Variants in DNAH14 observed in about 807,000 individuals in gnomAD.
The protein encoded by DNAH14 is dynein axonemal heavy chain 14.
DNAH14 carries 478 observed loss-of-function variants against 520.9 expected under a neutral mutation model. The observed-to-expected ratio is 0.92, with a 90% CI of 0.85 to 0.99. DNAH14 has a LOEUF of 0.99. Among genes scored for constraint, DNAH14 ranks in the 50% least tolerant of loss-of-function variants. The probability of loss-of-function intolerance (pLI) is 0.00; values close to 1 mark genes in which losing one functional copy is unlikely to be tolerated. For missense variants in DNAH14, 4,831 were observed against 5,234.5 expected, an observed-to-expected ratio of 0.92 and a Z score of 2.38; for synonymous variants, 1,581 against 1,757.2, an observed-to-expected ratio of 0.90 and a Z score of 2.51.
chr1:225,108,701 A>G (rs1399787498), intron 23 of DNAH14, among the ~76,000 whole-genome samples: 1 of 152,072 alleles, frequency 6.6e-6, no homozygotes, highest in East Asian at 1.9e-4. Flanking sequence ...TTTGTTGTGC[A>G]AAAGCTTTTT....
intron 8 of DNAH14, among the ~76,000 whole-genome samples, chr1:224,986,209 A>G (rs2062625364): frequency 6.6e-6 from 1 of 151,924 alleles, no homozygotes; most frequent in East Asian, 1.9e-4. Context: ...AGGAAGAACT[A>G]TAGCAATCCT....
At chr1:225,127,275 G>C (rs1406591682) in intron 27 of DNAH14, among the ~76,000 whole-genome samples, 4 of 151,698 alleles carry the variant, frequency 2.6e-5, no homozygotes, top group African/African-American at 9.7e-5. Context: ...TTAACTTTCT[G>C]TCTCGTTGAT....
intron 10 of DNAH14, among the ~76,000 whole-genome samples, chr1:225,008,539 C>T (rs553165775): frequency 9.6e-4 from 143 of 149,274 alleles, no homozygotes; most frequent in Non-Finnish European, 1.7e-3. Flanking sequence ...AGTGTAGAAG[C>T]GTTCCTATTT....
At chr1:225,206,746 A>C (rs938444182) in intron 40 of DNAH14, among the ~76,000 whole-genome samples, 1 of 152,262 alleles carries the variant, frequency 6.6e-6, no homozygotes, top group South Asian at 2.1e-4. Flanking sequence ...TCCTACACAT[A>C]ATACCCCAAT....
chr1:225,335,898 C>CCT (rs2095019253), intron 66 of DNAH14, among the ~76,000 whole-genome samples: 1 of 113,150 alleles, frequency 8.8e-6, no homozygotes, highest in Non-Finnish European at 1.8e-5. Flanking sequence ...CATATACATA[C>CCT]ATATATGCAT....
At chr1:225,343,063 A>G (rs2095224685) in intron 69 of DNAH14, among the ~76,000 whole-genome samples, 2 of 152,182 alleles carry the variant, frequency 1.3e-5, no homozygotes, top group Admixed American at 6.6e-5. Flanking sequence ...CCGTTCCCAC[A>G]TTGTAGTTAC....
At position 225,259,220 on chromosome 1, in the gene DNAH14, A is replaced by C; in HGVS notation, c.7124A>C (p.Asp2375Ala). 6.5e-7 allele frequency: 1 copy of C among 1,533,534 alleles called. No individual in the cohort carries two copies. Among genetic ancestry groups the C allele is most frequent in the Non-Finnish European group, 8.8e-7 (1 of 1,134,770 alleles). The allele number at this position is 1,533,534 out of a possible 1,614,324, so 95.0% of individuals were successfully genotyped here. Reference sequence around the variant, plus strand: ...ATAAAACATGGTTCAATTTTAGGAGACACCCTATTATATAGTGAAATAAAA... The same window carrying C: ...ATAAAACATGGTTCAATTTTAGGAGCCACCCTATTATATAGTGAAATAAAA... ...FDIKHGSILG[D>A]TLLYSEIKKS... The change falls in exon 46 of 86, where the codon GAC (aspartate) becomes GCC (alanine). Residue 2375 changes from aspartate to alanine, a missense_variant. Coordinates refer to ENST00000682510, the MANE Select transcript of DNAH14 (RefSeq NM_001367479.1).
rs183991507 is a variant in DNAH14 at position 225,249,444 on chromosome 1, A to C, written c.6749-2857A>C. ...GTATCCTCATTTATTTGGGATGGAC[A>C]GTAATAAATCATGGCCTTGCCCCAG... is the stretch of plus-strand genomic sequence containing the variant. On this transcript the variant is annotated intron_variant, in intron 43 of 85. Coordinates refer to ENST00000682510, the MANE Select transcript of DNAH14 (RefSeq NM_001367479.1). Among the ~76,000 whole-genome samples, 4 of 152,306 alleles carry C rather than the reference A, an allele frequency of 2.6e-5. No individual in the cohort carries two copies. The East Asian group carries it at 7.7e-4, about 29-fold the overall frequency.
intron 8 of DNAH14, among the ~76,000 whole-genome samples, chr1:224,986,452 A>G (rs941680714): frequency 6.6e-6 from 1 of 152,166 alleles, no homozygotes; most frequent in Non-Finnish European, 1.5e-5. Flanking sequence ...ACCAAATGGA[A>G]TCTATCCCGG....
intron 23 of DNAH14, among the ~76,000 whole-genome samples, chr1:225,114,797 C>T (rs1318530940): frequency 6.6e-6 from 1 of 152,170 alleles, no homozygotes; most frequent in African/African-American, 2.4e-5. Flanking sequence ...TGTGCTCTCT[C>T]TCCCCCAAGC....
At chr1:225,054,905 T>C (rs2068879799) in intron 17 of DNAH14, among the ~76,000 whole-genome samples, 1 of 152,148 alleles carries the variant, frequency 6.6e-6, no homozygotes, top group African/African-American at 2.4e-5. Context: ...AGTTAATAAT[T>C]ATCTTTTAAA....
In DNAH14 at chr1:225,274,194, GTTATTTT is replaced by G. The variant is rs1422439570; in HGVS notation, c.8010+1072_8010+1078del. Among the ~76,000 whole-genome samples, 115 of 120,326 alleles carry G rather than the reference GTTATTTT, an allele frequency of 9.6e-4. 4 individuals carry two copies. The highest frequency in any genetic ancestry group is 3.6e-3 in the African/African-American group (106 of 29,438). The allele number at this position is 120,326 out of a possible 152,430, so 78.9% of individuals were successfully genotyped here. On this transcript the variant is annotated intron_variant, in intron 52 of 85. Transcript: ENST00000682510. ...TTTCTCTGCATCCTCACCAGCATCT[GTTATTTT>G]TTTTTTTTTTTTTTTTTTTTTGAGA...
intron 84 of DNAH14, among the ~76,000 whole-genome samples, chr1:225,393,227 T>C (rs1232772185): frequency 6.6e-6 from 1 of 152,198 alleles, no homozygotes; most frequent in Non-Finnish European, 1.5e-5. Flanking sequence ...AGGTTGGCTA[T>C]AACCAAAAGA....
At chr1:225,063,251 T>C (rs1332040897) in intron 17 of DNAH14, among the ~76,000 whole-genome samples, 2 of 152,198 alleles carry the variant, frequency 1.3e-5, no homozygotes, top group East Asian at 3.8e-4. Flanking sequence ...AAGTCCCTTA[T>C]GTAAATCATG....
Position 225,322,661 on chromosome 1 carries a change from C to T in DNAH14, c.9336-3C>T, listed in dbSNP as rs1198072919. 4.6e-6 allele frequency: 7 copies of T among 1,511,518 alleles called. No individual in the cohort carries two copies. Among genetic ancestry groups the T allele is most frequent in the Non-Finnish European group, 6.3e-6 (7 of 1,119,920 alleles). The allele number at this position is 1,511,518 out of a possible 1,614,324, so 93.6% of individuals were successfully genotyped here. A position where few individuals can be genotyped will look rare whatever the true frequency, so the allele number is the denominator to read the frequency against. On this transcript the variant is annotated splice_polypyrimidine_tract_variant and splice_region_variant and intron_variant, in intron 61 of 85. Coordinates refer to ENST00000682510, the MANE Select transcript of DNAH14 (RefSeq NM_001367479.1). ...TTGATGAGATTTTCATCATCTATTA[C>T]AGAGTATACACACGGCCTCCCTTCC...
chr1:225,083,240 T>C (rs185000647), intron 20 of DNAH14, among the ~76,000 whole-genome samples: 3 of 152,254 alleles, frequency 2.0e-5, no homozygotes, highest in East Asian at 1.9e-4. Context: ...TTAAAAACTT[T>C]CTATTTTTAT....
At chr1:225,335,810 T>TACATGTACACACAC (rs1228652108) in intron 66 of DNAH14, among the ~76,000 whole-genome samples, 1 of 108,436 alleles carries the variant, frequency 9.2e-6, no homozygotes, top group Non-Finnish European at 1.9e-5. Context: ...TATATGTACA[T>TACATGTACACACAC]ATATGTACAT....
intron 76 of DNAH14, among the ~76,000 whole-genome samples, chr1:225,365,436 G>A (rs1001268099): frequency 9.2e-5 from 14 of 152,154 alleles, no homozygotes; most frequent in African/African-American, 3.4e-4. Flanking sequence ...GCAGAAGGGG[G>A]TACCCAGACT....
At chr1:225,123,458 G>C (rs16844054) in intron 26 of DNAH14, 69 bp from the exon 27 acceptor site, 28,159 of 292,934 alleles carry the variant, frequency 0.096, 1,926 homozygotes, top group East Asian at 0.3. Flanking sequence ...ACCTCGTCAT[G>C]CTTGGTCATT....
Sources: allele counts gnomAD v4.1 joint callset (sites outside exome capture counted in the v4.1 genomes callset), GRCh38; gene constraint gnomAD v4.1.1; transcripts MANE v1.5; gene names NCBI Gene and HGNC (gene_info 2026-07-23, HGNC 2026-07-21).